Variants in SBF1 observed in about 807,000 individuals in gnomAD.
SBF1 encodes the protein SET binding factor 1.
Under a neutral mutation model 215.8 loss-of-function variants are expected in SBF1, and 65 were observed. The ratio of observed to expected loss-of-function variants is 0.30; its 90% CI spans 0.25 to 0.37. SBF1 has a LOEUF of 0.37. SBF1 is among the 10% of genes least tolerant of loss of function. SBF1 has a pLI of 1.00. For missense variants in SBF1, 2,634 were observed against 2,667.8 expected (o/e 0.99, Z 0.28); for synonymous variants, 1,410 against 1,122.8 (o/e 1.26, Z -5.11).
chr22:50,455,922 G>A (rs370815554), intron 31 of SBF1: 2 of 556,796 alleles, frequency 3.6e-6, no homozygotes, highest in Non-Finnish European at 3.2e-6. Context: ...ATGCAGCAGG[G>A]GCCCAGAACC....
rs1405880937 is a variant in SBF1, at chr22:50,446,656, C to G, written c.*486G>C. The G allele has an allele frequency of 2.7e-6, 1 of 366,280 alleles. No individual in the cohort carries two copies. The highest frequency in any genetic ancestry group is 2.1e-5 in the African/African-American group (1 of 47,156). The allele number at this position is 366,280 out of a possible 1,614,324, so 22.7% of individuals were successfully genotyped here. On this transcript the variant is annotated 3_prime_UTR_variant, in exon 41 of 41. Coordinates refer to ENST00000380817, the MANE Select transcript of SBF1 (RefSeq NM_002972.4). Reference sequence around the variant, plus strand: ...GAGCAAAGTCACTCCCAGGGACATGCAGGCCGAGCTGGGTGGACCCAGGCA... The same window carrying G: ...GAGCAAAGTCACTCCCAGGGACATGGAGGCCGAGCTGGGTGGACCCAGGCA...
chr22:50,447,138 A>C lies in SBF1; in HGVS notation c.*4T>G. ...AGCAGAGCAGCCGGGCAGGGCTGGG[A>C]GGCTCAGGCGTCCGACAGGCAGCTC... On this transcript the variant is annotated 3_prime_UTR_variant, in exon 41 of 41. Transcript: ENST00000380817. 6.2e-7 allele frequency: 1 copy of C among 1,610,418 alleles called. No individual in the cohort carries two copies. Among genetic ancestry groups the C allele is most frequent in the Middle Eastern group, 1.8e-4 (1 of 5,634 alleles).
At chr22:50,469,790 G>A (rs921055179) in intron 1 of SBF1, among the ~76,000 whole-genome samples, 4 of 151,110 alleles carry the variant, frequency 2.6e-5, no homozygotes, top group African/African-American at 4.9e-5. Flanking sequence ...CAGCATGCCT[G>A]GTCCTCCTGG....
Position 50,467,690 on chromosome 22 carries a change from C to T in SBF1, c.280G>A (p.Glu94Lys). ...GTGGCATCCTCCACGCGCGTCGTTT[C>T]CTGCTGGGGGTCAGGGGGAGACGGG... ...TFWEPAEPSQ[E>K]TTRVEDATER... The change falls in exon 4 of 41, where the codon GAA becomes AAA. Residue 94 changes from glutamate to lysine, a missense_variant and splice_region_variant. By Grantham distance (56) the Glu-to-Lys change is moderately conservative. Transcript: ENST00000380817. 1.2e-6 allele frequency: 2 copies of T among 1,611,978 alleles called. No individual in the cohort carries two copies. Among genetic ancestry groups the T allele is most frequent in the Non-Finnish European group, 1.7e-6 (2 of 1,179,164 alleles).
rs2066877214 is a variant in SBF1, at chr22:50,447,473, C to T, written c.5452-20G>A. The T allele has an allele frequency of 6.2e-7, 1 of 1,612,198 alleles. No homozygotes were observed. The highest frequency in any genetic ancestry group is 2.2e-5 in the East Asian group (1 of 44,814). ...GCGCAGCTGGAGGAGGCCACAGAGTCAGCGGAGCCCCCTCCCCCGTGAGTC... is the reference window on the plus strand; with the variant it reads ...GCGCAGCTGGAGGAGGCCACAGAGTTAGCGGAGCCCCCTCCCCCGTGAGTC... On this transcript the variant is annotated intron_variant, in intron 39 of 40. Transcript: ENST00000380817.
intron 30 of SBF1, 41 bp from the exon 31 acceptor site, chr22:50,456,436 C>CCCAAGCCCCCTG (rs2067250335): frequency 6.3e-7 from 1 of 1,598,126 alleles, no homozygotes; most frequent in Non-Finnish European, 8.5e-7. Flanking sequence ...CACATGAGGC[C>CCCAAGCCCCCTG]CCAAGCCCCC....
In SBF1 at chr22:50,460,519, G is replaced by A. The variant is rs776273423; in HGVS notation, c.3146+15C>T. 5 of 1,613,076 alleles carry A rather than the reference G, an allele frequency of 3.1e-6. No individual in the cohort carries two copies. The highest frequency in any genetic ancestry group is 1.7e-5 in the Admixed American group (1 of 60,016). On this transcript the variant is annotated intron_variant, in intron 24 of 40. Transcript: ENST00000380817. ...GCTGAGGCCCAGCTGCCCTGCCTGGGACCCAGATCCATACCTGAGGGAAGG... is the reference window on the plus strand; with the variant it reads ...GCTGAGGCCCAGCTGCCCTGCCTGGAACCCAGATCCATACCTGAGGGAAGG...
chr22:50,469,838 C>A (rs1314686402), intron 1 of SBF1, among the ~76,000 whole-genome samples: 1 of 152,150 alleles, frequency 6.6e-6, no homozygotes, highest in Non-Finnish European at 1.5e-5. Context: ...ATGGCACACA[C>A]TCCACGGGTC....
At chr22:50,451,147 T>C (rs913257712) in intron 36 of SBF1, among the ~76,000 whole-genome samples, 1 of 111,546 alleles carries the variant, frequency 9.0e-6, no homozygotes, top group African/African-American at 3.8e-5. Flanking sequence ...CTGGGTGACA[T>C]AGGGAGACCC....
chr22:50,460,143 C>T lies in SBF1; in HGVS notation c.3300G>A (p.Glu1100=). ...CTGAGGACGGGGTCAGCGTGCTGGG[C>T]TCCAGCTCCTCCGACACTGCACAGG... ...EDEISVSEEL[E]PSTLTPSSAL... The change falls in exon 26 of 41, where the codon GAG becomes GAA. Residue 1100 remains glutamate (E), a synonymous_variant. Transcript: ENST00000380817. 2 of 1,611,746 alleles carry T rather than the reference C, an allele frequency of 1.2e-6. No homozygotes were observed. Among genetic ancestry groups the T allele is most frequent in the Non-Finnish European group, 1.7e-6 (2 of 1,179,978 alleles).
Position 50,461,674 on chromosome 22 carries a change from C to A in SBF1, c.2688G>T (p.Val896=). 2 of 1,610,338 alleles carry A rather than the reference C, an allele frequency of 1.2e-6. No homozygotes were observed. The highest frequency in any genetic ancestry group is 1.7e-6 in the Non-Finnish European group (2 of 1,179,504). The change falls in exon 22 of 41, where the codon GTG becomes GTT. Residue 896 remains valine (V), a synonymous_variant. Coordinates refer to ENST00000380817, the MANE Select transcript of SBF1 (RefSeq NM_002972.4). ...GCAGGTAGACGCGCAGGCCGTCCAGCACACACTCCTCACCCGGCAGCAGGC... is the reference window on the plus strand; with the variant it reads ...GCAGGTAGACGCGCAGGCCGTCCAGAACACACTCCTCACCCGGCAGCAGGC... ...RPRLLPGEEC[V]LDGLRVYLLP... is the part of the protein sequence containing the mutation.
intron 1 of SBF1, 56 bp from the exon 2 acceptor site, chr22:50,468,517 G>A: frequency 1.5e-6 from 2 of 1,316,244 alleles, no homozygotes; most frequent in South Asian, 1.4e-5. Flanking sequence ...CCACCAGGAG[G>A]CTTGAGGATC....
chr22:50,460,355 T>C lies in SBF1; in HGVS notation c.3200A>G (p.His1067Arg), dbSNP rs1399743727. Residue 1067 changes from histidine to arginine, a missense_variant, in exon 25 of 41, where the codon CAT becomes CGT. His to Arg is a conservative substitution (Grantham distance 29, BLOSUM62 0). Transcript: ENST00000380817. Reference sequence around the variant, plus strand: ...GGGGTTGTACTTCTTGCGAGTGACATGCTGCCGCCCGATGGTCTTCTTGGC... The same window carrying C: ...GGGGTTGTACTTCTTGCGAGTGACACGCTGCCGCCCGATGGTCTTCTTGGC... Reference protein sequence around the residue: ...KNAKKTIGRQHVTRKKYNPPS... With the variant: ...KNAKKTIGRQRVTRKKYNPPS... 4 of 1,613,588 alleles carry C rather than the reference T, an allele frequency of 2.5e-6. No homozygotes were observed. The highest frequency in any genetic ancestry group is 3.4e-6 in the Non-Finnish European group (4 of 1,179,650).
At position 50,462,407 on chromosome 22, in the gene SBF1, G is replaced by A. The variant is rs377118893; in HGVS notation, c.2194C>T (p.Arg732Cys). The A allele has an allele frequency of 2.5e-5, 40 of 1,613,942 alleles. No individual in the cohort carries two copies. The highest frequency in any genetic ancestry group is 1.7e-4 in the Admixed American group (10 of 60,014). Residue 732 changes from arginine (R) to cysteine (C), a missense_variant, in exon 19 of 41, where the codon CGC becomes TGC. Physicochemically the swap from Arg to Cys is radical, Grantham distance 180. Transcript: ENST00000380817. The stretch of plus-strand genomic sequence containing the variant: ...TCACGACTCAGAGTTGGCCACAAGC[G>A]CCGCTGCTCAGAAGCCACGTCTAGG... ...SALDVASEQR[R>C]LWPTLSREKQ...
At chr22:50,456,743 C>T (rs893946437) in intron 29 of SBF1, 70 bp from the exon 30 acceptor site, 10 of 1,357,648 alleles carry the variant, frequency 7.4e-6, no homozygotes, top group Middle Eastern at 2.0e-4. Flanking sequence ...TGGCTGGGCC[C>T]GGCCTCCAGG....
At position 50,448,241 on chromosome 22, in the gene SBF1, ACT is replaced by A. The variant is rs1295229549; in HGVS notation, c.5353_5354del (p.Ser1785Ter). ...GGGAGGTGCCCTCATACCTGTTCTC[ACT>A]CTCTGCTGTCTGGAACTGGCTGTAC... is the stretch of plus-strand genomic sequence containing the variant. Reference protein sequence around the residue: ...TLYSQFQTAESENRSYEGTLY... With the variant: ...TLYSQFQTAEXENRSYEGTLY... On this transcript the variant is annotated frameshift_variant, in exon 38 of 41. Transcript: ENST00000380817. LOFTEE classifies it high-confidence loss of function. 1.9e-6 allele frequency: 3 copies of A among 1,611,196 alleles called. No individual in the cohort carries two copies. Among genetic ancestry groups the A allele is most frequent in the Non-Finnish European group, 8.5e-7 (1 of 1,179,706 alleles).
chr22:50,459,942 C>T lies in SBF1; in HGVS notation c.3491+10G>A, dbSNP rs1353429792. 12 of 1,612,818 alleles carry T rather than the reference C, an allele frequency of 7.4e-6. No individual in the cohort carries two copies. Among genetic ancestry groups the T allele is most frequent in the African/African-American group, 2.7e-5 (2 of 74,934 alleles). On this transcript the variant is annotated intron_variant, in intron 26 of 40. Transcript: ENST00000380817. Reference sequence around the variant, plus strand: ...GTCCACCACCCGGGCCAGCCCTGGCCGGCCCTCACCTGCGGCAGATGGCAT... The same window carrying T: ...GTCCACCACCCGGGCCAGCCCTGGCTGGCCCTCACCTGCGGCAGATGGCAT...
Position 50,447,249 on chromosome 22 carries a change from G to A in SBF1, c.5584-9C>T. 2 of 1,613,890 alleles carry A rather than the reference G, an allele frequency of 1.2e-6. No homozygotes were observed. The highest frequency in any genetic ancestry group is 2.2e-5 in the East Asian group (1 of 44,878). On this transcript the variant is annotated splice_polypyrimidine_tract_variant and intron_variant, in intron 40 of 40. Coordinates refer to ENST00000380817, the MANE Select transcript of SBF1 (RefSeq NM_002972.4). The stretch of plus-strand genomic sequence containing the variant: ...CGACGCGTTGTCTTCACCTGGGGAA[G>A]GGCGGGTTACTGACTCCGCAGCCCC...
chr22:50,466,481 G>T lies in SBF1; in HGVS notation c.657C>A (p.Gly219=), dbSNP rs771220348. Residue 219 remains glycine, a splice_region_variant and synonymous_variant, in exon 7 of 41, where the codon GGC becomes GGA. Coordinates refer to ENST00000380817, the MANE Select transcript of SBF1 (RefSeq NM_002972.4). ...CSVALLFRQL[G]ITNVLSLFCA... is the part of the protein sequence containing the mutation. ...AGAACAAAGACAGCACGTTGGTGAT[G>T]CCTAAAGGAAGAAGAGAAGCTTGGA... The T allele has an allele frequency of 9.1e-6, 14 of 1,543,304 alleles. No homozygotes were observed. The highest frequency in any genetic ancestry group is 1.2e-5 in the Non-Finnish European group (14 of 1,140,996).
Sources: allele counts gnomAD v4.1 joint callset (sites outside exome capture counted in the v4.1 genomes callset), GRCh38; gene constraint gnomAD v4.1.1; transcripts MANE v1.5; gene names NCBI Gene and HGNC (gene_info 2026-07-23, HGNC 2026-07-21).